The following API5 variants were observed in gnomAD, a reference collection of about 807,000 sequenced individuals.
The protein encoded by API5 is apoptosis inhibitor 5, also known as FIF.
In API5, 6 loss-of-function variants were observed where a neutral mutation model predicts 71.9. That is an observed-to-expected ratio of 0.08 (90% confidence interval 0.05 to 0.16). The LOEUF (loss-of-function observed/expected upper bound fraction) is 0.16, where lower values mean the gene tolerates loss of function less well. API5 is among the 10% of genes least tolerant of loss of function. API5 has a pLI of 1.00. For synonymous variants in API5, 189 were observed against 221.3 expected (o/e 0.85, Z 1.30); for missense variants, 332 against 612.8 (o/e 0.54, Z 4.84).
Position 43,311,997 on chromosome 11 carries a change from T to C in API5, c.-131T>C. 1 of 1,048,150 alleles carries C rather than the reference T, an allele frequency of 9.5e-7. No individual in the cohort carries two copies. Among genetic ancestry groups the C allele is most frequent in the Non-Finnish European group, 1.4e-6 (1 of 716,854 alleles). 64.9% of individuals were successfully genotyped at this position (1,048,150 alleles called of 1,614,324 possible). A position where few individuals can be genotyped will look rare whatever the true frequency, so the allele number is the denominator to read the frequency against. ...GGGGGCGCAGCCGCGCTGTGCGCGG[T>C]GACTGGCGGCTGCACTGGCGGCAGC... is the stretch of plus-strand genomic sequence containing the variant. On this transcript the variant is annotated 5_prime_UTR_variant, in exon 1 of 14. Coordinates refer to ENST00000531273, the MANE Select transcript of API5 (RefSeq NM_001142930.2).
chr11:43,332,563 A>AG (rs1193316175), intron 11 of API5, among the ~76,000 whole-genome samples: 1 of 152,076 alleles, frequency 6.6e-6, no homozygotes, highest in African/African-American at 2.4e-5. Flanking sequence ...ATACATAGGG[A>AG]GGGGTCTTGA....
Position 43,312,105 on chromosome 11 carries a change from G to C in API5, c.-23G>C. On this transcript the variant is annotated 5_prime_UTR_variant, in exon 1 of 14. Coordinates refer to ENST00000531273, the MANE Select transcript of API5 (RefSeq NM_001142930.2). ...CGGTCAGGACAAGGATAGCGGAACC[G>C]GGCCCTGGGCTTGTCGCTCACCATG... The C allele has an allele frequency of 6.2e-7, 1 of 1,613,048 alleles. No homozygotes were observed. The highest frequency in any genetic ancestry group is 8.5e-7 in the Non-Finnish European group (1 of 1,179,768).
At position 43,318,328 on chromosome 11, in the gene API5, A is replaced by G. The variant is rs1380094573; in HGVS notation, c.70-312A>G. On this transcript the variant is annotated intron_variant, in intron 1 of 13. Transcript: ENST00000531273. The stretch of plus-strand genomic sequence containing the variant: ...CTGGCCCATTACAAATTTTTTAAGC[A>G]TGATACAGTCACATGGCCAGAGTTA... 1.2e-5 allele frequency: 15 copies of G among 1,243,930 alleles called. No individual in the cohort carries two copies. In the East Asian group the frequency reaches 3.5e-4, roughly 29 times the overall value. The allele number at this position is 1,243,930 out of a possible 1,614,324, so 77.1% of individuals were successfully genotyped here.
Position 43,342,462 on chromosome 11 carries a change from C to G in API5, c.1527C>G (p.Gly509=). 1 of 1,611,964 alleles carries G rather than the reference C, an allele frequency of 6.2e-7. No individual in the cohort carries two copies. Among genetic ancestry groups the G allele is most frequent in the Non-Finnish European group, 8.5e-7 (1 of 1,178,760 alleles). Residue 509 remains glycine, a synonymous_variant, in exon 14 of 14, where the codon GGC becomes GGG. Coordinates refer to ENST00000531273, the MANE Select transcript of API5 (RefSeq NM_001142930.2). ...GAGCCTTCAGGGGAAGTAGAGGTGG[C>G]CGAGGTTGGGGCACACGAGGAAATC... ...QRGAFRGSRG[G]RGWGTRGNRS... is the part of the protein sequence containing the mutation.
intron 5 of API5, among the ~76,000 whole-genome samples, chr11:43,322,842 T>C (rs1291479747): frequency 6.6e-6 from 1 of 152,194 alleles, no homozygotes; most frequent in Non-Finnish European, 1.5e-5. Context: ...TCAGACTATT[T>C]TACCTATGCC....
At chr11:43,321,555 C>G (rs1304706104) in intron 4 of API5, 79 bp downstream of exon 4, 6 of 1,166,934 alleles carry the variant, frequency 5.1e-6, no homozygotes, top group Non-Finnish European at 7.4e-6. Flanking sequence ...TAAGAATAAA[C>G]TCTAGGGTTT....
At chr11:43,312,348 C>G in intron 1 of API5, 152 bp downstream of exon 1, 1 of 801,968 alleles carries the variant, frequency 1.2e-6, no homozygotes, top group Non-Finnish European at 2.0e-6. Context: ...GGGTGGGCCT[C>G]TCTGGGAGTG....
At chr11:43,318,922 A>T in intron 2 of API5, 121 bp downstream of exon 2, 1 of 967,532 alleles carries the variant, frequency 1.0e-6, no homozygotes, top group Non-Finnish European at 1.5e-6. Context: ...ATGGTCTGGC[A>T]TGGCATCACA....
intron 7 of API5, 37 bp downstream of exon 7, chr11:43,326,648 T>C (rs1855085885): frequency 1.8e-6 from 2 of 1,142,476 alleles, no homozygotes; most frequent in Non-Finnish European, 2.6e-6. Flanking sequence ...TGATAAGGCA[T>C]TCTTATATTT....
In API5 at chr11:43,321,395, C is replaced by T; in HGVS notation, c.326-16C>T. On this transcript the variant is annotated splice_polypyrimidine_tract_variant and intron_variant, in intron 3 of 13. Transcript: ENST00000531273. ...AATTTGTTTTATATTCATTATGCCA[C>T]TTTTTCTTTATCCAGATGACTCTGC... The T allele has an allele frequency of 6.3e-7, 1 of 1,596,126 alleles. No homozygotes were observed. The highest frequency in any genetic ancestry group is 1.1e-5 in the South Asian group (1 of 88,338).
chr11:43,324,788 G>A (rs1037239950), intron 6 of API5, among the ~76,000 whole-genome samples: 3 of 151,860 alleles, frequency 2.0e-5, no homozygotes, highest in Non-Finnish European at 4.4e-5. Context: ...AGCAATTCTC[G>A]TGCCTCAACT....
chr11:43,333,053 T>C (rs946660273), intron 11 of API5, among the ~76,000 whole-genome samples: 24 of 152,320 alleles, frequency 1.6e-4, no homozygotes, highest in Admixed American at 1.2e-3. Context: ...GCAAAAGATA[T>C]TCATATTGCT....
intron 1 of API5, among the ~76,000 whole-genome samples, chr11:43,318,209 A>G (rs1005529402): frequency 6.6e-6 from 1 of 151,164 alleles, no homozygotes; most frequent in African/African-American, 2.4e-5. Flanking sequence ...GGGTTTAACC[A>G]TGTTGGCCAA....
At position 43,328,751 on chromosome 11, in the gene API5, G is replaced by C; in HGVS notation, c.985G>C (p.Glu329Gln). 1 of 1,613,910 alleles carries C rather than the reference G, an allele frequency of 6.2e-7. No individual in the cohort carries two copies. The highest frequency in any genetic ancestry group is 8.5e-7 in the Non-Finnish European group (1 of 1,179,866). ...CCCTCCAGAAGAGGCAGAAAATGGAGAGAATGCTGGTAATGAAGAACCCAA... is the reference window on the plus strand; with the variant it reads ...CCCTCCAGAAGAGGCAGAAAATGGACAGAATGCTGGTAATGAAGAACCCAA... Reference protein sequence around the residue: ...PLPPEEAENGENAGNEEPKLQ... With the variant: ...PLPPEEAENGQNAGNEEPKLQ... Residue 329 changes from glutamate to glutamine, a missense_variant, in exon 9 of 14, where the codon GAG becomes CAG. Coordinates refer to ENST00000531273, the MANE Select transcript of API5 (RefSeq NM_001142930.2).
chr11:43,322,536 G>A (rs1045473572), intron 5 of API5, among the ~76,000 whole-genome samples: 1 of 152,068 alleles, frequency 6.6e-6, no homozygotes, highest in African/African-American at 2.4e-5. Context: ...CTTAGCCCTT[G>A]ACACTATCTG....
intron 5 of API5, among the ~76,000 whole-genome samples, chr11:43,322,705 C>G (rs1854935874): frequency 6.6e-6 from 1 of 152,152 alleles, no homozygotes; most frequent in Non-Finnish European, 1.5e-5. Flanking sequence ...GAAGATTCAG[C>G]ATTTTATCTA....
Position 43,312,188 on chromosome 11 carries a change from G to C in API5, c.61G>C (p.Val21Leu). Residue 21 changes from valine to leucine, a missense_variant, in exon 1 of 14, where the codon GTG (valine) becomes CTG (leucine). Physicochemically the swap from Val to Leu is conservative, Grantham distance 32. This residue lies in a region of API5 where 127 missense variants were observed against 237.6 expected (regional missense o/e 0.53). Coordinates refer to ENST00000531273, the MANE Select transcript of API5 (RefSeq NM_001142930.2). ...YGILADATEQ[V>L]GQHKDAYQVI... The stretch of plus-strand genomic sequence containing the variant: ...CATCCTGGCCGATGCCACGGAGCAA[G>C]TGGGCCAGGTGAGTTGAGTCCCCGG... The C allele has an allele frequency of 1.2e-6, 2 of 1,613,868 alleles. No individual in the cohort carries two copies. Among genetic ancestry groups the C allele is most frequent in the South Asian group, 1.1e-5 (1 of 91,074 alleles).
chr11:43,317,457 G>A lies in API5; in HGVS notation c.70-1183G>A, dbSNP rs988237897. 5.3e-5 allele frequency among the ~76,000 whole-genome samples: 8 copies of A among 151,912 alleles called. No individual in the cohort carries two copies. The East Asian group carries it at 5.8e-4, about 11-fold the overall frequency. On this transcript the variant is annotated intron_variant, in intron 1 of 13. Coordinates refer to ENST00000531273, the MANE Select transcript of API5 (RefSeq NM_001142930.2). ...GTTTAAACATGTGACATTAGAGTCC[G>A]TCTTAATCCAAAATTGTCTGGCTAT...
rs1307038700 is a variant in API5 at position 43,342,434 on chromosome 11, G to A, written c.1499G>A (p.Arg500Lys). Residue 500 changes from arginine (R) to lysine (K), a missense_variant, in exon 14 of 14, where the codon AGA becomes AAA. By Grantham distance (26) the Arg-to-Lys change is conservative. Around this residue, in one of 3 missense-constraint regions of API5, gnomAD observed 168 missense variants for 343.9 expected, o/e 0.49. Transcript: ENST00000531273. Reference sequence around the variant, plus strand: ...CTTGTTCGCTTTTTCGTAGAGCAGAGAGGAGCCTTCAGGGGAAGTAGAGGT... The same window carrying A: ...CTTGTTCGCTTTTTCGTAGAGCAGAAAGGAGCCTTCAGGGGAAGTAGAGGT... Reference protein sequence around the residue: ...SNLGNFNYEQRGAFRGSRGGR... With the variant: ...SNLGNFNYEQKGAFRGSRGGR... 1 of 1,607,630 alleles carries A rather than the reference G, an allele frequency of 6.2e-7. No individual in the cohort carries two copies. The highest frequency in any genetic ancestry group is 1.1e-5 in the South Asian group (1 of 90,108).
Sources: allele counts gnomAD v4.1 joint callset (sites outside exome capture counted in the v4.1 genomes callset), GRCh38; gene constraint gnomAD v4.1.1; regional missense constraint gnomAD v4.1.1; transcripts MANE v1.5; gene names NCBI Gene and HGNC (gene_info 2026-07-23, HGNC 2026-07-21).